Variants in TMTC1 observed in about 807,000 individuals in gnomAD.
TMTC1 encodes protein O-mannosyl-transferase TMTC1.
TMTC1 carries 73 observed loss-of-function variants against 104.8 expected under a neutral mutation model. The observed-to-expected ratio is 0.70, with a 90% CI of 0.58 to 0.85. The LOEUF is 0.85. Among genes scored for constraint, TMTC1 ranks in the 40% least tolerant of loss-of-function variants. TMTC1 has a pLI of 0.00. For synonymous variants in TMTC1, 434 were observed against 428.7 expected (o/e 1.01, Z -0.15); for missense variants, 1,035 against 1,096.1 (o/e 0.94, Z 0.79).
intron 2 of TMTC1, among the ~76,000 whole-genome samples, chr12:29,759,573 G>A (rs1943296682): frequency 6.6e-6 from 1 of 152,214 alleles, no homozygotes; most frequent in Non-Finnish European, 1.5e-5. Flanking sequence ...GTATGTGCAT[G>A]TGTGCATATT....
chr12:29,554,015 T>A (rs1356726030), intron 10 of TMTC1, among the ~76,000 whole-genome samples: 1 of 152,218 alleles, frequency 6.6e-6, no homozygotes, highest in Non-Finnish European at 1.5e-5. Context: ...TCTATATGAT[T>A]TTTGAATGTA....
chr12:29,674,224 G>A (rs996069166), intron 5 of TMTC1, among the ~76,000 whole-genome samples: 4 of 152,222 alleles, frequency 2.6e-5, no homozygotes, highest in African/African-American at 9.6e-5. Context: ...GACTACGCAG[G>A]CCTTTTAGCC....
At chr12:29,722,628 A>G (rs1204094872) in intron 5 of TMTC1, among the ~76,000 whole-genome samples, 1 of 152,168 alleles carries the variant, frequency 6.6e-6, no homozygotes, top group Non-Finnish European at 1.5e-5. Context: ...TGTTAGAACT[A>G]GAAAGTTTAG....
At chr12:29,767,592 T>C (rs1943496120) in intron 2 of TMTC1, among the ~76,000 whole-genome samples, 1 of 152,152 alleles carries the variant, frequency 6.6e-6, no homozygotes, top group African/African-American at 2.4e-5. Context: ...CCCGTAATAA[T>C]AACAGCAGTT....
intron 1 of TMTC1, chr12:29,782,960 G>C (rs1314940490): frequency 1.3e-5 from 2 of 152,916 alleles, no homozygotes; most frequent in African/African-American, 4.8e-5. Flanking sequence ...TCAGCTCAAG[G>C]CTCCCGCCTC....
At chr12:29,534,318 C>T (rs1944583656) in intron 11 of TMTC1, 2 of 152,242 alleles carry the variant, frequency 1.3e-5, no homozygotes, top group Admixed American at 1.3e-4. Context: ...TCATTGTTTT[C>T]ATGCCCAAAG....
At chr12:29,716,552 A>T (rs1184888133) in intron 5 of TMTC1, among the ~76,000 whole-genome samples, 1 of 152,144 alleles carries the variant, frequency 6.6e-6, no homozygotes, top group Non-Finnish European at 1.5e-5. Flanking sequence ...TTAGAGCCTA[A>T]GGATATGGGA....
At chr12:29,579,248 C>T (rs1289452251) in intron 8 of TMTC1, among the ~76,000 whole-genome samples, 2 of 152,172 alleles carry the variant, frequency 1.3e-5, no homozygotes, top group East Asian at 1.9e-4. Flanking sequence ...AGCAAAACTA[C>T]AGCCTATGGG....
chr12:29,758,633 G>A, intron 3 of TMTC1, 71 bp downstream of exon 3: 1 of 1,427,578 alleles, frequency 7.0e-7, no homozygotes, highest in Admixed American at 1.8e-5. Context: ...TCTCCTCTCA[G>A]GCACATGCTC....
intron 5 of TMTC1, chr12:29,660,938 G>T: frequency 1.8e-6 from 2 of 1,106,982 alleles, no homozygotes; most frequent in Non-Finnish European, 2.5e-6. Flanking sequence ...CAGACACAAT[G>T]TTCTCCTTTC....
In TMTC1 at chr12:29,597,198, T is replaced by C. The variant is rs575463570; in HGVS notation, c.1250+6980A>G. ...TGGCTGCTTGTCCATGTGAACTTTT[T>C]TTTTCTTTTCTTTTCTTTTTCTTTT... On this transcript the variant is annotated intron_variant, in intron 7 of 17. Transcript: ENST00000539277. Among the ~76,000 whole-genome samples, 16 of 151,716 alleles carry C rather than the reference T, an allele frequency of 1.1e-4. No homozygotes were observed. In the East Asian group the frequency reaches 1.9e-3, roughly 18 times the overall value.
chr12:29,708,078 G>A (rs1941798899), intron 5 of TMTC1, among the ~76,000 whole-genome samples: 1 of 152,218 alleles, frequency 6.6e-6, no homozygotes, highest in Non-Finnish European at 1.5e-5. Context: ...ATGCCAGGCA[G>A]TGTGCCCAGT....
chr12:29,751,018 C>T (rs1943077814), intron 5 of TMTC1, among the ~76,000 whole-genome samples: 1 of 152,238 alleles, frequency 6.6e-6, no homozygotes, highest in Non-Finnish European at 1.5e-5. Flanking sequence ...TCACTGTCTG[C>T]TCAAATAAAC....
At chr12:29,633,441 G>T in intron 5 of TMTC1, 105 bp from the exon 6 acceptor site, 2 of 936,448 alleles carry the variant, frequency 2.1e-6, no homozygotes, top group Non-Finnish European at 3.1e-6. Context: ...CCCAGTCAAT[G>T]TTATCTTGGA....
At chr12:29,585,450 A>G (rs988989359) in intron 7 of TMTC1, among the ~76,000 whole-genome samples, 1 of 151,714 alleles carries the variant, frequency 6.6e-6, no homozygotes, top group Non-Finnish European at 1.5e-5. Context: ...TTTAATTAGA[A>G]CCCATTTGTC....
At chr12:29,661,967 G>A (rs997187880) in intron 5 of TMTC1, among the ~76,000 whole-genome samples, 8 of 152,112 alleles carry the variant, frequency 5.3e-5, no homozygotes, top group African/African-American at 1.9e-4. Context: ...ACAAGTGGTT[G>A]GCTGGTTTTA....
intron 7 of TMTC1, among the ~76,000 whole-genome samples, chr12:29,595,107 A>G (rs1208853900): frequency 6.6e-6 from 1 of 152,210 alleles, no homozygotes; most frequent in Non-Finnish European, 1.5e-5. Flanking sequence ...AATCCAAATT[A>G]TACTTTATAT....
chr12:29,741,577 C>G (rs1591997957), intron 5 of TMTC1, among the ~76,000 whole-genome samples: 1 of 152,176 alleles, frequency 6.6e-6, no homozygotes, highest in Non-Finnish European at 1.5e-5. Flanking sequence ...ACCCACTAGC[C>G]AGGCTTCTTG....
chr12:29,670,376 G>C (rs981292921), intron 5 of TMTC1, among the ~76,000 whole-genome samples: 1 of 152,140 alleles, frequency 6.6e-6, no homozygotes, highest in Admixed American at 6.5e-5. Flanking sequence ...GCACATTCCT[G>C]TCAGACGGGC....
Sources: allele counts gnomAD v4.1 joint callset (sites outside exome capture counted in the v4.1 genomes callset), GRCh38; gene constraint gnomAD v4.1.1; transcripts MANE v1.5; gene names NCBI Gene and HGNC (gene_info 2026-07-23, HGNC 2026-07-21).